The following GLIS3 variants were observed in gnomAD, a reference collection of about 807,000 sequenced individuals.
GLIS3 encodes the protein zinc finger protein GLIS3.
In GLIS3, 53 loss-of-function variants were observed where a neutral mutation model predicts 78.6. The observed-to-expected ratio is 0.67, with a 90% CI of 0.54 to 0.85. GLIS3 has a LOEUF of 0.85. Among genes scored for constraint, GLIS3 ranks in the 40% least tolerant of loss-of-function variants. The pLI is 0.00. For synonymous variants in GLIS3, 684 were observed against 509.9 expected, an observed-to-expected ratio of 1.34 and a Z score of -4.60; for missense variants, 1,703 against 1,231.1, an observed-to-expected ratio of 1.38 and a Z score of -5.74.
intron 3 of GLIS3, among the ~76,000 whole-genome samples, chr9:4,123,262 T>G (rs1249842912): frequency 6.6e-6 from 1 of 152,160 alleles, no homozygotes; most frequent in Non-Finnish European, 1.5e-5. Context: ...GTTCTAAAAA[T>G]AATAATACCT....
At chr9:4,311,526 T>A (rs778250002) in intron 2 of GLIS3, among the ~76,000 whole-genome samples, 1 of 152,132 alleles carries the variant, frequency 6.6e-6, no homozygotes, top group Non-Finnish European at 1.5e-5. Flanking sequence ...CATTACACAA[T>A]AAGTTTCCGA....
rs577863452 is a variant in GLIS3 at position 4,035,534 on chromosome 9, T to C, written c.1710+82234A>G. ...TGGATTCTCCATTTTCTGCTTTCCCTTCCCCCTGCCAGTGGCCTAGTTGAG... is the reference window on the plus strand; with the variant it reads ...TGGATTCTCCATTTTCTGCTTTCCCCTCCCCCTGCCAGTGGCCTAGTTGAG... On this transcript the variant is annotated intron_variant, in intron 4 of 10. Transcript: ENST00000381971. Among the ~76,000 whole-genome samples the C allele has an allele frequency of 4.2e-4, 64 of 152,140 alleles. 1 individual carries two copies. Among genetic ancestry groups the C allele is most frequent in the African/African-American group, 1.4e-3 (57 of 41,506 alleles).
At chr9:4,208,805 G>A (rs1331424127) in intron 2 of GLIS3, among the ~76,000 whole-genome samples, 1 of 152,170 alleles carries the variant, frequency 6.6e-6, no homozygotes, top group Non-Finnish European at 1.5e-5. Context: ...TCAATGGGTG[G>A]CTGGCTCTTG....
chr9:3,955,928 C>T (rs1466403615), intron 4 of GLIS3, among the ~76,000 whole-genome samples: 2 of 147,888 alleles, frequency 1.4e-5, no homozygotes, highest in Non-Finnish European at 3.0e-5. Context: ...TATGGGGAAC[C>T]TGAATGAAGT....
intron 2 of GLIS3, among the ~76,000 whole-genome samples, chr9:4,263,205 A>G (rs1355805690): frequency 6.6e-6 from 1 of 152,152 alleles, no homozygotes; most frequent in Non-Finnish European, 1.5e-5. Context: ...TAAGTGATAA[A>G]CTTCTCAGTG....
At chr9:4,019,025 C>T (rs1414954066) in intron 4 of GLIS3, among the ~76,000 whole-genome samples, 1 of 152,098 alleles carries the variant, frequency 6.6e-6, no homozygotes, top group African/African-American at 2.4e-5. Context: ...TGGTGAGGGG[C>T]AAGAAGGTGA....
intron 2 of GLIS3, among the ~76,000 whole-genome samples, chr9:4,225,316 A>G (rs1193128578): frequency 6.6e-6 from 1 of 152,206 alleles, no homozygotes; most frequent in Non-Finnish European, 1.5e-5. Context: ...TCTAAGTAGT[A>G]TAGACCTGCT....
intron 7 of GLIS3, among the ~76,000 whole-genome samples, chr9:3,898,050 G>C (rs1998509): frequency 0.15 from 22,661 of 152,184 alleles, 1,895 homozygotes; most frequent in Non-Finnish European, 0.18. Context: ...AGTAGAAAAT[G>C]CATAAAAATC....
At chr9:4,280,202 T>G (rs953686540) in intron 2 of GLIS3, among the ~76,000 whole-genome samples, 7 of 152,134 alleles carry the variant, frequency 4.6e-5, no homozygotes, top group South Asian at 2.1e-4. Context: ...TTATTTTTTG[T>G]AGAGAGAGAG....
chr9:4,264,446 G>A (rs1025684378), intron 2 of GLIS3, among the ~76,000 whole-genome samples: 5 of 152,204 alleles, frequency 3.3e-5, no homozygotes, highest in African/African-American at 1.2e-4. Context: ...TTTTTAAAAT[G>A]TAAGTTACAT....
chr9:4,175,181 C>G (rs568439624), intron 2 of GLIS3, among the ~76,000 whole-genome samples: 120 of 152,160 alleles, frequency 7.9e-4, no homozygotes, highest in Admixed American at 2.1e-3. Flanking sequence ...GAGAATTCCT[C>G]CATTAGAACC....
chr9:3,853,953 C>T (rs1291525622), intron 9 of GLIS3, among the ~76,000 whole-genome samples: 1 of 152,160 alleles, frequency 6.6e-6, no homozygotes, highest in African/African-American at 2.4e-5. Context: ...TAGATAGCAC[C>T]AGAAAGAAAA....
intron 2 of GLIS3, among the ~76,000 whole-genome samples, chr9:4,199,698 A>G (rs1397504211): frequency 6.6e-6 from 1 of 152,144 alleles, no homozygotes; most frequent in Non-Finnish European, 1.5e-5. Context: ...AGAGAGCATT[A>G]TAATAATAGT....
chr9:4,286,469 T>C lies in GLIS3; in HGVS notation c.-44A>G. ...AAGACGGTCAAATATCCAATGTCAC[T>C]AATGACTCCTTTCAGGCAAAGTCCA... is the stretch of plus-strand genomic sequence containing the variant. On this transcript the variant is annotated 5_prime_UTR_variant, in exon 2 of 11. Transcript: ENST00000381971. 6.2e-7 allele frequency: 1 copy of C among 1,609,234 alleles called. No homozygotes were observed. Among genetic ancestry groups the C allele is most frequent in the Non-Finnish European group, 8.5e-7 (1 of 1,178,476 alleles).
intron 2 of GLIS3, among the ~76,000 whole-genome samples, chr9:4,343,200 G>C (rs200923288): frequency 8.6e-5 from 13 of 151,958 alleles, no homozygotes; most frequent in African/African-American, 3.1e-4. Flanking sequence ...AAATTAGTCA[G>C]GCACGGTGGC....
chr9:4,478,525 C>T, the GLIS3 span, among the ~76,000 whole-genome samples: 3 of 151,842 alleles, frequency 2.0e-5, no homozygotes, highest in South Asian at 6.2e-4. Flanking sequence ...GCACGGAAAT[C>T]GCTTGAACCC....
chr9:4,410,624 C>A, the GLIS3 span, among the ~76,000 whole-genome samples: 1 of 152,144 alleles, frequency 6.6e-6, no homozygotes, highest in African/African-American at 2.4e-5. Context: ...TGCCATGTAG[C>A]CTCCATTGTT....
chr9:4,111,631 T>G (rs1831217440), intron 4 of GLIS3, among the ~76,000 whole-genome samples: 1 of 152,268 alleles, frequency 6.6e-6, no homozygotes, highest in African/African-American at 2.4e-5. Flanking sequence ...ACTAAGGGAT[T>G]TGTAATTTAT....
chr9:4,173,601 CAT>C (rs944917170), intron 2 of GLIS3, among the ~76,000 whole-genome samples: 8 of 100,868 alleles, frequency 7.9e-5, no homozygotes, highest in East Asian at 6.0e-4. Flanking sequence ...CACACACACA[CAT>C]ATATATGTTT....
Sources: allele counts gnomAD v4.1 joint callset (sites outside exome capture counted in the v4.1 genomes callset), GRCh38; gene constraint gnomAD v4.1.1; transcripts MANE v1.5; gene names NCBI Gene and HGNC (gene_info 2026-07-23, HGNC 2026-07-21).